IFT81: variants seen among roughly 807,000 people sequenced by gnomAD.
The protein encoded by IFT81 is intraflagellar transport protein 81 homolog.
A neutral mutation model predicts 102.6 loss-of-function variants in IFT81; 72 were observed. The observed-to-expected ratio is 0.70, with a 90% confidence interval of 0.58 to 0.85. IFT81 has a LOEUF of 0.85. IFT81 is among the 40% of genes least tolerant of loss of function. The pLI, the probability that IFT81 is intolerant of heterozygous loss-of-function variation, is 0.00. For missense variants in IFT81, 723 were observed against 787.3 expected (o/e 0.92, Z 0.98); for synonymous variants, 237 against 242.7 (o/e 0.98, Z 0.22).
chr12:110,141,541 C>T (rs1236592972), intron 8 of IFT81, among the ~76,000 whole-genome samples: 1 of 152,166 alleles, frequency 6.6e-6, no homozygotes, highest in Non-Finnish European at 1.5e-5. Context: ...ATGTATTATG[C>T]AATCTATTAC....
At chr12:110,171,201 G>A (rs1351986609) in intron 11 of IFT81, among the ~76,000 whole-genome samples, 1 of 151,576 alleles carries the variant, frequency 6.6e-6, no homozygotes, top group Non-Finnish European at 1.5e-5. Flanking sequence ...GAAGTGTAGT[G>A]TATTATGCAT....
At chr12:110,209,291 G>A in intron 18 of IFT81, 75 bp downstream of exon 18, 1 of 631,618 alleles carries the variant, frequency 1.6e-6, no homozygotes, top group South Asian at 2.7e-5. Context: ...GTTTATGACT[G>A]TCATTGTTTT....
chr12:110,143,272 G>GT (rs1457219811), intron 8 of IFT81, 110 bp from the exon 9 acceptor site: 1 of 584,648 alleles, frequency 1.7e-6, no homozygotes, highest in Non-Finnish European at 2.5e-6. Context: ...ATATTATACA[G>GT]TTTGTTTTCA....
intron 18 of IFT81, among the ~76,000 whole-genome samples, chr12:110,215,621 A>G (rs1192770841): frequency 6.7e-6 from 1 of 148,902 alleles, no homozygotes; most frequent in Non-Finnish European, 1.5e-5. Context: ...GCCACCATAC[A>G]CAACTAATTA....
chr12:110,149,764 A>G (rs1433679094), intron 10 of IFT81, among the ~76,000 whole-genome samples: 1 of 152,114 alleles, frequency 6.6e-6, no homozygotes, highest in Non-Finnish European at 1.5e-5. Context: ...GTGGCCTGCC[A>G]GTGCCTGTCG....
intron 1 of IFT81, among the ~76,000 whole-genome samples, chr12:110,126,879 A>G (rs926664361): frequency 5.9e-5 from 9 of 152,226 alleles, no homozygotes; most frequent in Non-Finnish European, 2.9e-5. Context: ...GGCATGCACA[A>G]ATGTGGGCCC....
chr12:110,132,621 A>G lies in IFT81; in HGVS notation c.504A>G (p.Thr168=), dbSNP rs1894238707. 1.9e-6 allele frequency: 3 copies of G among 1,558,238 alleles called. No individual in the cohort carries two copies. Among genetic ancestry groups the G allele is most frequent in the Non-Finnish European group, 2.6e-6 (3 of 1,137,792 alleles). ...YEQLKISGFS[T]AEIRKDISAM... ...AGCTCAAGATATCTGGATTTTCTACAGCAGAAATAAGAAAGGTAAAGGAAA... is the reference window on the plus strand; with the variant it reads ...AGCTCAAGATATCTGGATTTTCTACGGCAGAAATAAGAAAGGTAAAGGAAA... The change falls in exon 5 of 19, where the codon ACA becomes ACG. Residue 168 remains threonine (T), a synonymous_variant. Coordinates refer to ENST00000242591, the MANE Select transcript of IFT81 (RefSeq NM_014055.4).
intron 15 of IFT81, chr12:110,204,217 T>C (rs1391104673): frequency 1.2e-5 from 4 of 339,088 alleles, no homozygotes; most frequent in Non-Finnish European, 2.2e-5. Flanking sequence ...CATCATCTCC[T>C]AAGCTCCAGA....
chr12:110,135,215 G>A, intron 6 of IFT81, 112 bp from the exon 7 acceptor site: 1 of 744,258 alleles, frequency 1.3e-6, no homozygotes, highest in Non-Finnish European at 2.3e-6. Context: ...GTCATCTCTA[G>A]GGAGTACTGT....
Position 110,129,126 on chromosome 12 carries a change from A to G in IFT81, c.425A>G (p.Lys142Arg). The part of the protein sequence containing the change: ...LQDETVADTN[K>R]QYEELMEAFK... ...GATGAAACTGTGGCTGACACCAATA[A>G]ACAGGTAAACAATACATAAATGGTA... The change falls in exon 4 of 19, where the codon AAA becomes AGA. Residue 142 changes from lysine to arginine, a missense_variant. By Grantham distance (26) the Lys-to-Arg change is conservative (BLOSUM62 2). Transcript: ENST00000242591. The G allele has an allele frequency of 2.5e-6, 4 of 1,586,958 alleles. No homozygotes were observed. The highest frequency in any genetic ancestry group is 3.4e-6 in the Non-Finnish European group (4 of 1,170,022).
chr12:110,174,286 A>G (rs922045453), intron 11 of IFT81, among the ~76,000 whole-genome samples: 1 of 144,292 alleles, frequency 6.9e-6, no homozygotes, highest in African/African-American at 2.7e-5. Context: ...TCAAAAAAAA[A>G]AAAAAAAAAA....
intron 14 of IFT81, among the ~76,000 whole-genome samples, chr12:110,198,288 A>C (rs1208008173): frequency 6.7e-6 from 1 of 150,244 alleles, no homozygotes; most frequent in Non-Finnish European, 1.5e-5. Context: ...TTCTTCTTTT[A>C]AATAATGGCT....
At chr12:110,196,078 C>T (rs906836030) in intron 14 of IFT81, among the ~76,000 whole-genome samples, 3 of 152,066 alleles carry the variant, frequency 2.0e-5, no homozygotes, top group East Asian at 3.8e-4. Flanking sequence ...AAATGTTTCA[C>T]GGAAACTTTT....
At chr12:110,158,961 A>G (rs1238556292) in intron 10 of IFT81, among the ~76,000 whole-genome samples, 1 of 151,748 alleles carries the variant, frequency 6.6e-6, no homozygotes, top group Non-Finnish European at 1.5e-5. Flanking sequence ...TGACCTCGTG[A>G]TCCGCCCGCC....
chr12:110,210,858 C>CT (rs1321593910), intron 18 of IFT81, among the ~76,000 whole-genome samples: 5 of 149,394 alleles, frequency 3.3e-5, no homozygotes, highest in Admixed American at 6.7e-5. Flanking sequence ...AATCTTTTTC[C>CT]TTTTTTTTTC....
chr12:110,125,732 A>T (rs1893796428), intron 1 of IFT81, among the ~76,000 whole-genome samples: 1 of 152,230 alleles, frequency 6.6e-6, no homozygotes, highest in Non-Finnish European at 1.5e-5. Flanking sequence ...TCCTTAAAGC[A>T]TTTACCTAGG....
chr12:110,175,776 A>G (rs1214563295), intron 11 of IFT81, among the ~76,000 whole-genome samples: 1 of 152,078 alleles, frequency 6.6e-6, no homozygotes, highest in African/African-American at 2.4e-5. Context: ...TATTTTTGCC[A>G]GTTGGGTAGG....
At chr12:110,158,411 TAAA>T (rs1895961192) in intron 10 of IFT81, among the ~76,000 whole-genome samples, 1 of 152,036 alleles carries the variant, frequency 6.6e-6, no homozygotes, top group Non-Finnish European at 1.5e-5. Flanking sequence ...AATTTTATTC[TAAA>T]AAATAGAAAC....
chr12:110,174,277 CAAAAAAAAAA>C lies in IFT81; in HGVS notation c.1189-6124_1189-6115del, dbSNP rs61353726. Reference sequence around the variant, plus strand: ...TGGGCGACAGAGCAAGACTCCGTCTCAAAAAAAAAAAAAAAAAAAAAAAAAAAAAATTAGC... The same window carrying C: ...TGGGCGACAGAGCAAGACTCCGTCTCAAAAAAAAAAAAAAAAAAAATTAGC... On this transcript the variant is annotated intron_variant, in intron 11 of 18. Coordinates refer to ENST00000242591, the MANE Select transcript of IFT81 (RefSeq NM_014055.4). Among the ~76,000 whole-genome samples, 197 of 35,290 alleles carry C rather than the reference CAAAAAAAAAA, an allele frequency of 5.6e-3. 2 individuals carry two copies. The highest frequency in any genetic ancestry group is 9.0e-3 in the Non-Finnish European group (175 of 19,384). The allele number at this position is 35,290 out of a possible 152,430, so 23.2% of individuals were successfully genotyped here.
Sources: gnomAD v4.1 joint callset for allele counts (sites outside exome capture counted in the v4.1 genomes callset) on GRCh38, gnomAD v4.1.1 for gene constraint, MANE v1.5 for transcripts, NCBI Gene and HGNC (gene_info 2026-07-23, HGNC 2026-07-21) for gene names.